Variants in PDE11A observed in about 807,000 individuals in gnomAD.
PDE11A encodes the protein dual 3',5'-cyclic-AMP and -GMP phosphodiesterase 11A.
In PDE11A, 100 loss-of-function variants were observed where a neutral mutation model predicts 100.5. The ratio of observed to expected loss-of-function variants is 1.00; its 90% CI spans 0.85 to 1.18. The LOEUF (loss-of-function observed/expected upper bound fraction) is 1.18. Ranked by LOEUF, PDE11A falls within the 50% of genes most tolerant of loss-of-function variation. The pLI, the probability that PDE11A is intolerant of heterozygous loss-of-function variation, is 0.00. For missense variants in PDE11A, 1,141 were observed against 1,152.6 expected (o/e 0.99, Z 0.15); for synonymous variants, 381 against 420.8 (o/e 0.91, Z 1.16).
At chr2:177,923,352 C>T (rs549953250) in intron 2 of PDE11A, among the ~76,000 whole-genome samples, 124 of 121,742 alleles carry the variant, frequency 1.0e-3, no homozygotes, top group African/African-American at 3.5e-3. Flanking sequence ...AAGAGCGAGG[C>T]TCTGTCTCTC....
At chr2:177,884,630 G>C (rs1030377845) in intron 4 of PDE11A, among the ~76,000 whole-genome samples, 1 of 152,180 alleles carries the variant, frequency 6.6e-6, no homozygotes, top group Non-Finnish European at 1.5e-5. Flanking sequence ...GGCCTTGAAT[G>C]TTGGGTAGTG....
chr2:177,862,855 A>G (rs955727014), intron 5 of PDE11A, among the ~76,000 whole-genome samples: 2 of 151,940 alleles, frequency 1.3e-5, no homozygotes, highest in Non-Finnish European at 2.9e-5. Context: ...ATAAAACCAT[A>G]AAAGACCCCA....
intron 2 of PDE11A, among the ~76,000 whole-genome samples, chr2:178,003,720 T>C (rs577420180): frequency 1.3e-5 from 2 of 152,328 alleles, no homozygotes; most frequent in East Asian, 3.9e-4. Flanking sequence ...TTGTATGGTA[T>C]GTGAATTATA....
chr2:178,009,592 C>A (rs959319635), intron 2 of PDE11A, among the ~76,000 whole-genome samples: 2 of 152,098 alleles, frequency 1.3e-5, no homozygotes, highest in Non-Finnish European at 2.9e-5. Context: ...GTAAAATTTC[C>A]TGCATTGGAT....
intron 2 of PDE11A, among the ~76,000 whole-genome samples, chr2:177,926,236 G>GAA (rs35625068): frequency 6.6e-6 from 1 of 151,414 alleles, no homozygotes; most frequent in Admixed American, 6.6e-5. Flanking sequence ...CATTGTCTAG[G>GAA]AAAAAAAAGA....
intron 6 of PDE11A, among the ~76,000 whole-genome samples, chr2:177,829,513 G>A (rs892926884): frequency 2.0e-5 from 3 of 151,754 alleles, no homozygotes; most frequent in Admixed American, 6.6e-5. Context: ...GCATGATCTC[G>A]GCTCACTGCA....
rs201342035 is a variant in PDE11A at position 177,669,525 on chromosome 2, G to A, written c.2530C>T (p.Arg844Trp). 102 of 1,463,832 alleles carry A rather than the reference G, an allele frequency of 7.0e-5. No individual in the cohort carries two copies. In the Middle Eastern group the frequency reaches 8.6e-4, roughly 12 times the overall value. 90.7% of individuals were successfully genotyped at this position (1,463,832 alleles called of 1,614,324 possible). The change falls in exon 18 of 20, where the codon CGG becomes TGG. Residue 844 changes from arginine to tryptophan, a missense_variant. Arg to Trp is a moderately radical substitution (Grantham distance 101). Transcript: ENST00000286063. ...GTGAGTTTGAGCTCTAATCTCTCCC[G>A]ATCTCCTTGTTCGAAGAACTCACTG... ...VTSEFFEQGD[R>W]ERLELKLTPS...
intron 13 of PDE11A, chr2:177,702,817 T>G (rs2105544395): frequency 6.6e-6 from 1 of 152,306 alleles, no homozygotes; most frequent in South Asian, 2.1e-4. Flanking sequence ...TCTTAGGTGC[T>G]TAGTAAGGAG....
At chr2:177,935,198 G>A (rs1415990417) in intron 2 of PDE11A, among the ~76,000 whole-genome samples, 1 of 152,180 alleles carries the variant, frequency 6.6e-6, no homozygotes, top group Non-Finnish European at 1.5e-5. Flanking sequence ...TTCTGGTTAA[G>A]CATGTTGTCT....
chr2:177,911,689 G>T (rs774590508), intron 2 of PDE11A, among the ~76,000 whole-genome samples: 1 of 152,122 alleles, frequency 6.6e-6, no homozygotes, highest in Non-Finnish European at 1.5e-5. Context: ...TTCCAGACTA[G>T]CCTGACCAAC....
intron 6 of PDE11A, among the ~76,000 whole-genome samples, chr2:177,833,505 A>G (rs2083343262): frequency 6.6e-6 from 1 of 152,240 alleles, no homozygotes; most frequent in South Asian, 2.1e-4. Flanking sequence ...GCACTGAATC[A>G]GGAACCAGAA....
Position 177,816,716 on chromosome 2 carries a change from A to AG in PDE11A, c.1737+112dup, listed in dbSNP as rs541946044. The AG allele has an allele frequency of 6.8e-4, 518 of 757,158 alleles. 6 individuals carry two copies. In the South Asian group the frequency reaches 7.1e-3, roughly 10 times the overall value. 46.9% of individuals were successfully genotyped at this position (757,158 alleles called of 1,614,324 possible). On this transcript the variant is annotated intron_variant, in intron 9 of 19. Coordinates refer to ENST00000286063, the MANE Select transcript of PDE11A (RefSeq NM_016953.4). The stretch of plus-strand genomic sequence containing the variant: ...TTAAACCCACAACCTAAAATGATTA[A>AG]GGCCCAATGAATAATTAAAATTTGA...
At chr2:177,894,194 A>G (rs1373033505) in intron 4 of PDE11A, among the ~76,000 whole-genome samples, 2 of 152,162 alleles carry the variant, frequency 1.3e-5, no homozygotes, top group Non-Finnish European at 2.9e-5. Context: ...GACACCTACA[A>G]GCCTAAAGGT....
chr2:177,857,343 A>T (rs116767131), intron 5 of PDE11A, among the ~76,000 whole-genome samples: 2,853 of 152,136 alleles, frequency 0.019, 54 homozygotes, highest in South Asian at 0.046. Context: ...GAGCAATCTG[A>T]ATCCACATGA....
intron 10 of PDE11A, among the ~76,000 whole-genome samples, chr2:177,764,421 C>T (rs764458376): frequency 6.6e-5 from 10 of 152,132 alleles, no homozygotes; most frequent in Non-Finnish European, 1.3e-4. Flanking sequence ...CAATATAACA[C>T]CACAACATCC....
At chr2:178,005,111 C>T (rs2086190059) in intron 2 of PDE11A, among the ~76,000 whole-genome samples, 1 of 149,760 alleles carries the variant, frequency 6.7e-6, no homozygotes, top group South Asian at 2.2e-4. Flanking sequence ...GAGTTGAGTC[C>T]CCTTTACTCC....
intron 19 of PDE11A, among the ~76,000 whole-genome samples, chr2:177,637,995 A>ATTTTT (rs1303030999): frequency 5.5e-5 from 3 of 54,138 alleles, no homozygotes; most frequent in Non-Finnish European, 7.9e-5. Context: ...ATATATATAT[A>ATTTTT]TATTTTTTTT....
At chr2:177,746,129 A>G (rs932421988) in intron 10 of PDE11A, among the ~76,000 whole-genome samples, 2 of 152,228 alleles carry the variant, frequency 1.3e-5, no homozygotes, top group Non-Finnish European at 2.9e-5. Flanking sequence ...GACAATTTGC[A>G]TATCATCATA....
intron 9 of PDE11A, among the ~76,000 whole-genome samples, chr2:177,770,729 A>G (rs1323329740): frequency 6.6e-6 from 1 of 152,222 alleles, no homozygotes; most frequent in Non-Finnish European, 1.5e-5. Context: ...AAATAAATGC[A>G]CATTGGTGGC....
Sources: allele counts gnomAD v4.1 joint callset (sites outside exome capture counted in the v4.1 genomes callset), GRCh38; gene constraint gnomAD v4.1.1; transcripts MANE v1.5; gene names NCBI Gene and HGNC (gene_info 2026-07-23, HGNC 2026-07-21).